Variants in LRRC36 observed in about 807,000 individuals in gnomAD.
LRRC36 encodes leucine-rich repeat-containing protein 36.
In LRRC36, 62 loss-of-function variants were observed where a neutral mutation model predicts 81.1. The ratio of observed to expected loss-of-function variants is 0.76; its 90% confidence interval spans 0.62 to 0.94. The LOEUF (loss-of-function observed/expected upper bound fraction) is 0.94, where lower values mean the gene tolerates loss of function less well. Among genes scored for constraint, LRRC36 ranks in the 40% least tolerant of loss-of-function variants. The pLI, the probability that LRRC36 is intolerant of heterozygous loss-of-function variation, is 0.00. For missense variants in LRRC36, 761 were observed against 881.7 expected, an observed-to-expected ratio of 0.86 and a Z score of 1.73; for synonymous variants, 334 against 348.6, an observed-to-expected ratio of 0.96 and a Z score of 0.47.
chr16:67,376,636 A>G lies in LRRC36; in HGVS notation c.1661-91A>G, dbSNP rs954432546. The G allele has an allele frequency of 1.4e-4, 191 of 1,337,226 alleles. No homozygotes were observed. The African/African-American group carries it at 2.3e-3, about 16-fold the overall frequency. The allele number at this position is 1,337,226 out of a possible 1,614,324, so 82.8% of individuals were successfully genotyped here. ...TAAAAAGGAGATAATACATTAGCCT[A>G]TTTGATCCAGAGAGCTGGTAGTTAC... is the stretch of plus-strand genomic sequence containing the variant. On this transcript the variant is annotated intron_variant, in intron 10 of 13. Transcript: ENST00000329956.
chr16:67,336,638 T>G (rs1260322862), intron 1 of LRRC36: 1 of 152,218 alleles, frequency 6.6e-6, no homozygotes, highest in Admixed American at 6.5e-5. Flanking sequence ...TATTGCTTTT[T>G]AGAGACAGGT....
At position 67,375,274 on chromosome 16, in the gene LRRC36, C is replaced by T; in HGVS notation, c.1522C>T (p.His508Tyr). 6.2e-7 allele frequency: 1 copy of T among 1,612,216 alleles called. No homozygotes were observed. The highest frequency in any genetic ancestry group is 2.2e-5 in the East Asian group (1 of 44,874). ...EPLSSDLGSL[H>Y]GLAGNHSPPI... is the part of the protein sequence containing the mutation. ...TCTCTCTAGTGACCTGGGTAGTTTGCACGGTTTGGCTGGAAACCACAGTCC... is the reference window on the plus strand; with the variant it reads ...TCTCTCTAGTGACCTGGGTAGTTTGTACGGTTTGGCTGGAAACCACAGTCC... Residue 508 changes from histidine (H) to tyrosine (Y), a missense_variant, in exon 10 of 14, where the codon CAC becomes TAC. Physicochemically the swap from His to Tyr is moderately conservative, Grantham distance 83. Transcript: ENST00000329956.
At chr16:67,330,951 A>G (rs1597415032) in intron 1 of LRRC36, among the ~76,000 whole-genome samples, 1 of 152,120 alleles carries the variant, frequency 6.6e-6, no homozygotes, top group African/African-American at 2.4e-5. Flanking sequence ...TAAAGAACAG[A>G]AGTTGATTTG....
intron 10 of LRRC36, 96 bp downstream of exon 10, chr16:67,375,508 A>G (rs2039857686): frequency 9.4e-7 from 1 of 1,062,980 alleles, no homozygotes; most frequent in African/African-American, 1.6e-5. Flanking sequence ...ACTTGCAAGG[A>G]AAGTTGTTCT....
intron 12 of LRRC36, among the ~76,000 whole-genome samples, chr16:67,381,287 C>T (rs2040102791): frequency 1.3e-5 from 2 of 150,656 alleles, no homozygotes; most frequent in South Asian, 2.1e-4. Context: ...TCATTACAAC[C>T]GGAGTTCCTC....
intron 12 of LRRC36, 55 bp from the exon 13 acceptor site, chr16:67,382,078 T>G: frequency 2.4e-6 from 3 of 1,230,288 alleles, no homozygotes; most frequent in Non-Finnish European, 3.6e-6. Flanking sequence ...TATATTCTGC[T>G]CAAAGACTAG....
rs2040004996 is a variant in LRRC36 at position 67,378,726 on chromosome 16, A to G, written c.1930+14A>G. 6.2e-7 allele frequency: 1 copy of G among 1,612,934 alleles called. No homozygotes were observed. The highest frequency in any genetic ancestry group is 1.3e-5 in the African/African-American group (1 of 74,904). On this transcript the variant is annotated intron_variant, in intron 12 of 13. Transcript: ENST00000329956. Reference sequence around the variant, plus strand: ...CACATACTTATGGTAAGTTGAGGAAAGCCATGATATATGAGGCCTCTCAAG... The same window carrying G: ...CACATACTTATGGTAAGTTGAGGAAGGCCATGATATATGAGGCCTCTCAAG...
intron 5 of LRRC36, among the ~76,000 whole-genome samples, chr16:67,358,837 A>T (rs1018051620): frequency 6.6e-6 from 1 of 152,176 alleles, no homozygotes; most frequent in Non-Finnish European, 1.5e-5. Context: ...CTACAAGGAG[A>T]TACCACTTCA....
At chr16:67,354,236 C>T (rs2038793587) in intron 5 of LRRC36, among the ~76,000 whole-genome samples, 1 of 152,008 alleles carries the variant, frequency 6.6e-6, no homozygotes, top group Admixed American at 6.6e-5. Flanking sequence ...AAATCCTACC[C>T]TTCTTTATGA....
chr16:67,334,680 C>T (rs2037672499), intron 1 of LRRC36, among the ~76,000 whole-genome samples: 1 of 152,148 alleles, frequency 6.6e-6, no homozygotes, highest in Admixed American at 6.6e-5. Flanking sequence ...CCCTGTGCCC[C>T]ACCATCTGTT....
At chr16:67,330,603 T>G (rs1014867506) in intron 1 of LRRC36, among the ~76,000 whole-genome samples, 5 of 152,170 alleles carry the variant, frequency 3.3e-5, no homozygotes, top group Admixed American at 2.6e-4. Flanking sequence ...CGTTCACGCC[T>G]GTAATCCCAG....
chr16:67,342,678 G>A (rs1049385123), intron 2 of LRRC36, among the ~76,000 whole-genome samples: 1 of 152,194 alleles, frequency 6.6e-6, no homozygotes, highest in Admixed American at 6.5e-5. Context: ...AAACATGAGT[G>A]TGCACACACA....
intron 5 of LRRC36, among the ~76,000 whole-genome samples, chr16:67,361,227 T>C (rs1033567259): frequency 2.6e-5 from 4 of 152,210 alleles, no homozygotes; most frequent in Admixed American, 2.6e-4. Context: ...GATGGGGGTC[T>C]CACTATGTTG....
chr16:67,338,678 A>G (rs2037876133), intron 1 of LRRC36, among the ~76,000 whole-genome samples: 1 of 152,066 alleles, frequency 6.6e-6, no homozygotes, highest in African/African-American at 2.4e-5. Flanking sequence ...CATTTGAAAA[A>G]TATTGACTCA....
chr16:67,364,530 A>G (rs1472559578), intron 6 of LRRC36, among the ~76,000 whole-genome samples: 1 of 152,222 alleles, frequency 6.6e-6, no homozygotes. Flanking sequence ...GACTACCTTC[A>G]TCTTTTAAAA....
chr16:67,384,777 A>T (rs769810518), intron 13 of LRRC36, 93 bp from the exon 14 acceptor site: 26 of 828,814 alleles, frequency 3.1e-5, no homozygotes, highest in African/African-American at 5.1e-5. Flanking sequence ...ATGTGACTTC[A>T]TTTCACATTT....
chr16:67,330,661 A>G (rs1026315424), intron 1 of LRRC36, among the ~76,000 whole-genome samples: 1 of 152,156 alleles, frequency 6.6e-6, no homozygotes, highest in Non-Finnish European at 1.5e-5. Context: ...CAGGAGTTCA[A>G]GACCAGTCTG....
chr16:67,376,308 G>A (rs910242923), intron 10 of LRRC36, among the ~76,000 whole-genome samples: 3 of 151,770 alleles, frequency 2.0e-5, no homozygotes, highest in African/African-American at 4.8e-5. Context: ...ACTCCGTCTC[G>A]GAAAACAAAC....
At chr16:67,377,480 C>T (rs955040901) in intron 11 of LRRC36, among the ~76,000 whole-genome samples, 4 of 152,002 alleles carry the variant, frequency 2.6e-5, no homozygotes, top group East Asian at 3.9e-4. Context: ...TACAGGTGCC[C>T]ACCACCATGC....
Sources: gnomAD v4.1 joint callset for allele counts (sites outside exome capture counted in the v4.1 genomes callset) on GRCh38, gnomAD v4.1.1 for gene constraint, MANE v1.5 for transcripts, NCBI Gene and HGNC (gene_info 2026-07-23, HGNC 2026-07-21) for gene names.